The following RASGEF1C variants were observed in gnomAD, a reference collection of about 807,000 sequenced individuals.
RASGEF1C encodes ras-GEF domain-containing family member 1C.
Under a neutral mutation model 58.1 loss-of-function variants are expected in RASGEF1C, and 27 were observed. The observed-to-expected ratio is 0.46, with a 90% confidence interval of 0.34 to 0.64. The LOEUF is 0.64. Ranked by LOEUF, RASGEF1C falls within the 30% of genes least tolerant of loss-of-function variation. The pLI is 0.01. For synonymous variants in RASGEF1C, 243 were observed against 246.3 expected, an observed-to-expected ratio of 0.99 and a Z score of 0.13; for missense variants, 502 against 605.1, an observed-to-expected ratio of 0.83 and a Z score of 1.79.
chr5:180,160,199 C>A (rs148108494), intron 1 of RASGEF1C, among the ~76,000 whole-genome samples: 1 of 152,278 alleles, frequency 6.6e-6, no homozygotes, highest in Non-Finnish European at 1.5e-5. Context: ...GTAGAGCGCC[C>A]CTCCCAAGCC....
rs34687595 is a variant in RASGEF1C, at chr5:180,198,460, G to T, written c.-7+10568C>A. Among the ~76,000 whole-genome samples the T allele has an allele frequency of 6.6e-6, 1 of 152,098 alleles. No homozygotes were observed. The highest frequency in any genetic ancestry group is 2.4e-5 in the African/African-American group (1 of 41,404). On this transcript the variant is annotated intron_variant, in intron 1 of 13. Transcript: ENST00000361132. The surrounding 1 kb of genome is among the most constrained non-coding windows in gnomAD (Gnocchi z 4.5). The stretch of plus-strand genomic sequence containing the variant: ...CTGCTGCTATAACAAAATACCTGAG[G>T]CTGGATAATTTATAAGTAGTAGAAA...
intron 1 of RASGEF1C, among the ~76,000 whole-genome samples, chr5:180,154,872 C>T (rs926876787): frequency 3.3e-5 from 5 of 152,206 alleles, no homozygotes; most frequent in South Asian, 4.1e-4. Context: ...TGAGCCACCA[C>T]GCCCGGCCCA....
intron 12 of RASGEF1C, among the ~76,000 whole-genome samples, chr5:180,103,838 T>G (rs1477607080): frequency 6.6e-6 from 1 of 152,248 alleles, no homozygotes; most frequent in Admixed American, 6.5e-5. Flanking sequence ...CTTGTCATGC[T>G]GATAAATTCC....
Position 180,137,468 on chromosome 5 carries a change from C to T in RASGEF1C, c.300+122G>A. 1 of 1,371,260 alleles carries T rather than the reference C, an allele frequency of 7.3e-7. No homozygotes were observed. The highest frequency in any genetic ancestry group is 1.3e-5 in the South Asian group (1 of 78,514). 84.9% of individuals were successfully genotyped at this position (1,371,260 alleles called of 1,614,324 possible). ...GGGCCTCAGACAAGGTGGAAACACC[C>T]GGTAGCCACCTTGTCAGGAAAACGG... On this transcript the variant is annotated intron_variant, in intron 3 of 13. Transcript: ENST00000361132. This position sits in a 1 kb window ranked among gnomAD's most constrained non-coding sequence, Gnocchi z 4.1.
At chr5:180,103,171 G>C (rs569839070) in intron 12 of RASGEF1C, among the ~76,000 whole-genome samples, 2 of 152,056 alleles carry the variant, frequency 1.3e-5, no homozygotes, top group Admixed American at 6.5e-5. Flanking sequence ...TCTGCCTCCC[G>C]GGTTCACACC....
intron 1 of RASGEF1C, among the ~76,000 whole-genome samples, chr5:180,147,334 T>G (rs534633100): frequency 3.9e-5 from 6 of 152,104 alleles, no homozygotes; most frequent in Non-Finnish European, 8.8e-5. Context: ...ATTTCCCTCC[T>G]TCTGCTAGCT....
At chr5:180,120,084 C>T (rs551613080) in intron 7 of RASGEF1C, among the ~76,000 whole-genome samples, 2 of 152,200 alleles carry the variant, frequency 1.3e-5, no homozygotes, top group Non-Finnish European at 1.5e-5. Flanking sequence ...TGGGCTGGGC[C>T]GGTGGGGCCC....
At chr5:180,186,171 G>A (rs546619933) in intron 1 of RASGEF1C, among the ~76,000 whole-genome samples, 5 of 150,732 alleles carry the variant, frequency 3.3e-5, no homozygotes, top group East Asian at 1.9e-4. Context: ...TGTACTAGGC[G>A]TTCTAACTAG....
intron 11 of RASGEF1C, among the ~76,000 whole-genome samples, chr5:180,112,275 TA>T (rs1324669557): frequency 6.6e-6 from 1 of 152,210 alleles, no homozygotes; most frequent in African/African-American, 2.4e-5. Context: ...TGGGCTAACC[TA>T]ACAAACAGGT....
At chr5:180,206,014 C>T (rs779638402) in intron 1 of RASGEF1C, among the ~76,000 whole-genome samples, 4 of 152,162 alleles carry the variant, frequency 2.6e-5, no homozygotes, top group South Asian at 2.1e-4. Flanking sequence ...GGATTACAGG[C>T]GTGAGCCACT....
rs965434184 is a variant in RASGEF1C at position 180,177,439 on chromosome 5, C to T, written c.-7+31589G>A. 1.2e-4 allele frequency among the ~76,000 whole-genome samples: 18 copies of T among 152,238 alleles called. No individual in the cohort carries two copies. The highest frequency in any genetic ancestry group is 3.6e-4 in the African/African-American group (15 of 41,474). Reference sequence around the variant, plus strand: ...GCCTGCGCAATCTGCCCGGCTGGGCCGCAGCAGTCCACGGGCAGGGCAGAG... The same window carrying T: ...GCCTGCGCAATCTGCCCGGCTGGGCTGCAGCAGTCCACGGGCAGGGCAGAG... On this transcript the variant is annotated intron_variant, in intron 1 of 13. Coordinates refer to ENST00000361132, the MANE Select transcript of RASGEF1C (RefSeq NM_175062.4). This position sits in a 1 kb window ranked among gnomAD's most constrained non-coding sequence, Gnocchi z 5.0.
rs1362097452 is a variant in RASGEF1C at position 180,197,973 on chromosome 5, G to C, written c.-7+11055C>G. On this transcript the variant is annotated intron_variant, in intron 1 of 13. Coordinates refer to ENST00000361132, the MANE Select transcript of RASGEF1C (RefSeq NM_175062.4). The surrounding 1 kb of genome is among the most constrained non-coding windows in gnomAD (Gnocchi z 4.7). Reference sequence around the variant, plus strand: ...ATTCCCCAATTAGGATGCTGGTGTGGGTCCGGAAGGCATTGAACTGGCAAC... The same window carrying C: ...ATTCCCCAATTAGGATGCTGGTGTGCGTCCGGAAGGCATTGAACTGGCAAC... Among the ~76,000 whole-genome samples the C allele has an allele frequency of 3.9e-5, 6 of 152,214 alleles. No individual in the cohort carries two copies. The highest frequency in any genetic ancestry group is 8.8e-5 in the Non-Finnish European group (6 of 68,036).
At chr5:180,161,598 T>C (rs1440467769) in intron 1 of RASGEF1C, among the ~76,000 whole-genome samples, 1 of 152,208 alleles carries the variant, frequency 6.6e-6, no homozygotes, top group Non-Finnish European at 1.5e-5. Context: ...GATCCGGGGC[T>C]GTGAGGGCGG....
chr5:180,112,190 C>T (rs10079033), intron 11 of RASGEF1C, among the ~76,000 whole-genome samples: 40,352 of 152,104 alleles, frequency 0.27, 5,531 homozygotes, highest in South Asian at 0.34. Context: ...GTGTCACCTG[C>T]GGAGGAGGAT....
In RASGEF1C at chr5:180,202,803, C is replaced by T. The variant is rs938105281; in HGVS notation, c.-7+6225G>A. Among the ~76,000 whole-genome samples, 10 of 151,796 alleles carry T rather than the reference C, an allele frequency of 6.6e-5. No individual in the cohort carries two copies. In the East Asian group the frequency reaches 7.8e-4, roughly 12 times the overall value. Reference sequence around the variant, plus strand: ...CTGCAAGCTCCGCCTCCCGGGTTCACGCCATTCTCCTGCCTCAGCCTCCCG... The same window carrying T: ...CTGCAAGCTCCGCCTCCCGGGTTCATGCCATTCTCCTGCCTCAGCCTCCCG... On this transcript the variant is annotated intron_variant, in intron 1 of 13. Transcript: ENST00000361132.
chr5:180,195,162 T>C (rs1458947930), intron 1 of RASGEF1C, among the ~76,000 whole-genome samples: 1 of 152,030 alleles, frequency 6.6e-6, no homozygotes, highest in East Asian at 1.9e-4. Context: ...TGACTCCTGT[T>C]TGACCTTGGG....
chr5:180,157,229 T>A (rs4700888), intron 1 of RASGEF1C, among the ~76,000 whole-genome samples: 42,390 of 151,980 alleles, frequency 0.28, 6,501 homozygotes, highest in East Asian at 0.5. Context: ...TTTCTAGCAG[T>A]ATTATCATAA....
In RASGEF1C at chr5:180,127,300, C is replaced by T. The variant is rs534389717; in HGVS notation, c.714+309G>A. Among the ~76,000 whole-genome samples, 386 of 152,318 alleles carry T rather than the reference C, an allele frequency of 2.5e-3. 2 individuals are homozygous for T. Among genetic ancestry groups the T allele is most frequent in the African/African-American group, 8.8e-3 (366 of 41,574 alleles). On this transcript the variant is annotated intron_variant, in intron 6 of 13. Transcript: ENST00000361132. Reference sequence around the variant, plus strand: ...GCGCCAGGGGGCCCTCCACCCTCCTCCCTGCCCAGGGTCCTGGCCCACCCG... The same window carrying T: ...GCGCCAGGGGGCCCTCCACCCTCCTTCCTGCCCAGGGTCCTGGCCCACCCG...
At chr5:180,174,304 T>A (rs1291975985) in intron 1 of RASGEF1C, among the ~76,000 whole-genome samples, 2 of 152,176 alleles carry the variant, frequency 1.3e-5, no homozygotes, top group Non-Finnish European at 2.9e-5. Flanking sequence ...AAGTCATCAG[T>A]TTATGATAAA....
Sources: allele counts gnomAD v4.1 joint callset (sites outside exome capture counted in the v4.1 genomes callset), GRCh38; gene constraint gnomAD v4.1.1; non-coding constraint Gnocchi (gnomAD v3.1); transcripts MANE v1.5; gene names NCBI Gene and HGNC (gene_info 2026-07-23, HGNC 2026-07-21).